STIM1: variants seen among roughly 807,000 people sequenced by gnomAD.
STIM1 encodes stromal interaction molecule 1.
STIM1 carries 25 observed loss-of-function variants against 74.7 expected under a neutral mutation model. The observed-to-expected ratio is 0.33, with a 90% CI of 0.24 to 0.47. The LOEUF is 0.47. STIM1 is among the 20% of genes least tolerant of loss of function. STIM1 has a pLI of 1.00. For missense variants in STIM1, 728 were observed against 920.8 expected, an observed-to-expected ratio of 0.79 and a Z score of 2.71; for synonymous variants, 328 against 348.8, an observed-to-expected ratio of 0.94 and a Z score of 0.66.
At chr11:3,921,447 A>T (rs867070356) in intron 1 of STIM1, among the ~76,000 whole-genome samples, 1 of 152,228 alleles carries the variant, frequency 6.6e-6, no homozygotes, top group East Asian at 1.9e-4. Context: ...TAGTCAAAAG[A>T]TACCTGGACC....
chr11:3,897,388 T>C (rs941853016), intron 1 of STIM1, among the ~76,000 whole-genome samples: 3 of 152,246 alleles, frequency 2.0e-5, no homozygotes, highest in South Asian at 2.1e-4. Flanking sequence ...GAAGATGATG[T>C]AATTTTAGTA....
chr11:4,035,391 C>T (rs2094090650), intron 3 of STIM1, among the ~76,000 whole-genome samples: 1 of 151,314 alleles, frequency 6.6e-6, no homozygotes, highest in Non-Finnish European at 1.5e-5. Flanking sequence ...ATATAATCTT[C>T]AATAACTTAG....
At chr11:3,992,772 G>A (rs184318537) in intron 2 of STIM1, among the ~76,000 whole-genome samples, 3 of 152,298 alleles carry the variant, frequency 2.0e-5, no homozygotes, top group Admixed American at 2.0e-4. Flanking sequence ...ATGTGCACTA[G>A]ATGGATTCTA....
chr11:3,977,702 C>A (rs1040637517), intron 2 of STIM1, among the ~76,000 whole-genome samples: 57 of 152,286 alleles, frequency 3.7e-4, no homozygotes, highest in Non-Finnish European at 7.3e-4. Flanking sequence ...CAAAACTTGG[C>A]TTTGCCACTT....
intron 1 of STIM1, chr11:3,921,958 A>G (rs939632591): frequency 6.6e-6 from 1 of 152,172 alleles, no homozygotes; most frequent in South Asian, 2.1e-4. Flanking sequence ...CAGTCAAACC[A>G]TCAGATGGCT....
At chr11:3,887,282 T>G (rs2091744901) in intron 1 of STIM1, among the ~76,000 whole-genome samples, 1 of 152,204 alleles carries the variant, frequency 6.6e-6, no homozygotes, top group Non-Finnish European at 1.5e-5. Context: ...CTGTACCTGC[T>G]CACTTTTGCC....
At chr11:4,002,894 GA>G in intron 2 of STIM1, among the ~76,000 whole-genome samples, 1 of 135,576 alleles carries the variant, frequency 7.4e-6, no homozygotes, top group East Asian at 2.2e-4. Context: ...AATAAAAAAT[GA>G]TAAAGGGGAT....
At chr11:3,949,735 G>T (rs2093121891) in intron 1 of STIM1, among the ~76,000 whole-genome samples, 1 of 152,108 alleles carries the variant, frequency 6.6e-6, no homozygotes, top group African/African-American at 2.4e-5. Context: ...AAATAATATG[G>T]AGAGATCACT....
chr11:3,884,991 G>A (rs2091651799), intron 1 of STIM1, among the ~76,000 whole-genome samples: 2 of 152,180 alleles, frequency 1.3e-5, no homozygotes, highest in South Asian at 4.1e-4. Context: ...CCAGGGTGTG[G>A]GGGGAGAGGG....
At chr11:4,031,314 T>A (rs1405010476) in intron 3 of STIM1, among the ~76,000 whole-genome samples, 3 of 152,202 alleles carry the variant, frequency 2.0e-5, no homozygotes. Flanking sequence ...GACATTGAGC[T>A]GCTTTTAGTT....
intron 11 of STIM1, among the ~76,000 whole-genome samples, chr11:4,085,921 A>G (rs1017639337): frequency 1.3e-5 from 2 of 152,114 alleles, no homozygotes; most frequent in Non-Finnish European, 2.9e-5. Flanking sequence ...TCTTTTTATA[A>G]GCATCATTTT....
intron 7 of STIM1, among the ~76,000 whole-genome samples, chr11:4,079,033 T>A (rs888919061): frequency 6.6e-6 from 1 of 151,674 alleles, no homozygotes; most frequent in Non-Finnish European, 1.5e-5. Context: ...GGCTCACGCC[T>A]GTAATCCCAG....
intron 1 of STIM1, among the ~76,000 whole-genome samples, chr11:3,895,636 T>C (rs1429416654): frequency 8.6e-5 from 1 of 11,600 alleles, no homozygotes; most frequent in South Asian, 0.014. Flanking sequence ...CTTTCTTTCT[T>C]TCTTTCTTTC....
intron 1 of STIM1, among the ~76,000 whole-genome samples, chr11:3,882,354 C>G (rs2135330714): frequency 6.6e-6 from 1 of 152,270 alleles, no homozygotes; most frequent in East Asian, 1.9e-4. Context: ...CCACCTCAGC[C>G]TCCCAAAGTG....
chr11:4,064,821 C>CGT (rs558927363), intron 5 of STIM1, among the ~76,000 whole-genome samples: 65 of 152,326 alleles, frequency 4.3e-4, no homozygotes, highest in Admixed American at 4.2e-3. Flanking sequence ...TTTCACTCTA[C>CGT]AGAGTTGGCT....
Position 4,082,221 on chromosome 11 carries a change from A to G in STIM1, c.1007A>G (p.Glu336Gly). The G allele has an allele frequency of 6.2e-7, 1 of 1,614,074 alleles. No homozygotes were observed. Among genetic ancestry groups the G allele is most frequent in the Non-Finnish European group, 8.5e-7 (1 of 1,180,044 alleles). ...TTGAGGAAAGCAGAGAAGGAGCTAG[A>G]ATCTCACAGCTCATGGTATGCTCCA... The part of the protein sequence containing the change: ...EALRKAEKEL[E>G]SHSSWYAPEA... Residue 336 changes from glutamate (E) to glycine (G), a missense_variant, in exon 8 of 13, where the codon GAA (glutamate) becomes GGA (glycine). By Grantham distance (98) the Glu-to-Gly change is moderately conservative. Around this residue, in one of 5 missense-constraint regions of STIM1, gnomAD observed 131 missense variants for 235.9 expected, o/e 0.56. Coordinates refer to ENST00000526596, the MANE Select transcript of STIM1 (RefSeq NM_001382567.1).
intron 1 of STIM1, chr11:3,892,720 A>G (rs1300155442): frequency 6.2e-6 from 10 of 1,613,086 alleles, no homozygotes; most frequent in Non-Finnish European, 8.5e-7. Flanking sequence ...ACCCTGGAAT[A>G]ATTCTGTGAA....
At chr11:3,985,378 T>A (rs2093548921) in intron 2 of STIM1, among the ~76,000 whole-genome samples, 1 of 152,172 alleles carries the variant, frequency 6.6e-6, no homozygotes, top group African/African-American at 2.4e-5. Flanking sequence ...CATTTTGTGC[T>A]TGTGTGGGTA....
At chr11:4,022,577 T>C (rs984564361) in intron 2 of STIM1, among the ~76,000 whole-genome samples, 1 of 152,192 alleles carries the variant, frequency 6.6e-6, no homozygotes, top group Non-Finnish European at 1.5e-5. Context: ...TTTCAACTTT[T>C]CCCTGTTCAA....
Sources: gnomAD v4.1 joint callset for allele counts (sites outside exome capture counted in the v4.1 genomes callset) on GRCh38, gnomAD v4.1.1 for gene constraint, gnomAD v4.1.1 regional missense constraint, MANE v1.5 for transcripts, NCBI Gene and HGNC (gene_info 2026-07-23, HGNC 2026-07-21) for gene names.